Variants in CCN2 observed in about 807,000 individuals in gnomAD.
The protein encoded by CCN2 is CCN family member 2.
Under a neutral mutation model 33.2 loss-of-function variants are expected in CCN2, and 22 were observed. That is an observed-to-expected ratio of 0.66 (90% confidence interval 0.47 to 0.95). The LOEUF is 0.95. Ranked by LOEUF, CCN2 falls within the 40% of genes least tolerant of loss-of-function variation. CCN2 has a pLI of 0.00. For missense variants in CCN2, 469 were observed against 498.8 expected (o/e 0.94, Z 0.57); for synonymous variants, 178 against 200.6 (o/e 0.89, Z 0.95).
At position 131,951,200 on chromosome 6, in the gene CCN2, C is replaced by A; in HGVS notation, c.-28G>T. The A allele has an allele frequency of 1.6e-6, 2 of 1,286,356 alleles. No individual in the cohort carries two copies. Among genetic ancestry groups the A allele is most frequent in the Non-Finnish European group, 9.8e-7 (1 of 1,018,038 alleles). The allele number at this position is 1,286,356 out of a possible 1,614,324, so 79.7% of individuals were successfully genotyped here. A position where few individuals can be genotyped will look rare whatever the true frequency, so the allele number is the denominator to read the frequency against. ...TTGGCACTGCGGGCGGAGCGGAGGG[C>A]GCGGTGGCGGCGAGCGGGGAGCGGC... On this transcript the variant is annotated 5_prime_UTR_variant, in exon 1 of 5. Transcript: ENST00000367976.
In CCN2 at chr6:131,951,314, C is replaced by G. The variant is rs1783108716; in HGVS notation, c.-142G>C. 1 of 640,176 alleles carries G rather than the reference C, an allele frequency of 1.6e-6. No individual in the cohort carries two copies. The highest frequency in any genetic ancestry group is 3.8e-5 in the East Asian group (1 of 26,312). 39.7% of individuals were successfully genotyped at this position (640,176 alleles called of 1,614,324 possible). A position where few individuals can be genotyped will look rare whatever the true frequency, so the allele number is the denominator to read the frequency against. ...GGCTGTCGGCCGGGGCGGCTGCCGT[C>G]GAGCTGGAGGGTGGAGTCGCACTGG... On this transcript the variant is annotated 5_prime_UTR_variant, in exon 1 of 5. Coordinates refer to ENST00000367976, the MANE Select transcript of CCN2 (RefSeq NM_001901.4).
rs1464086448 is a variant in CCN2, at chr6:131,948,884, C to G, written c.*380G>C. On this transcript the variant is annotated 3_prime_UTR_variant, in exon 5 of 5. Transcript: ENST00000367976. ...GCTGTCACTGGGGCTACAGGCAGGT[C>G]AGTGAGCACGCTAAAATTTTCCTTC... The G allele has an allele frequency of 7.8e-6, 2 of 255,584 alleles. No individual in the cohort carries two copies. The highest frequency in any genetic ancestry group is 1.6e-5 in the Non-Finnish European group (2 of 128,846). The allele number at this position is 255,584 out of a possible 1,614,324, so 15.8% of individuals were successfully genotyped here. A position where few individuals can be genotyped will look rare whatever the true frequency, so the allele number is the denominator to read the frequency against.
At position 131,950,178 on chromosome 6, in the gene CCN2, A is replaced by G. The variant is rs1291783857; in HGVS notation, c.542-18T>C. 6.8e-6 allele frequency: 11 copies of G among 1,613,960 alleles called. No individual in the cohort carries two copies. The highest frequency in any genetic ancestry group is 9.3e-6 in the Non-Finnish European group (11 of 1,179,948). On this transcript the variant is annotated intron_variant, in intron 3 of 4. Coordinates refer to ENST00000367976, the MANE Select transcript of CCN2 (RefSeq NM_001901.4). The surrounding 1 kb of genome is among the most constrained non-coding windows in gnomAD (Gnocchi z 7.1). ...TCGGTAAGCTGCGAGAGCAGAGCAC[A>G]CAAACACCATGTAAAACGCCTGGAT... is the stretch of plus-strand genomic sequence containing the variant.
rs775125745 is a variant in CCN2, at chr6:131,949,235, A to G, written c.*29T>C. The G allele has an allele frequency of 6.3e-7, 1 of 1,582,976 alleles. No homozygotes were observed. The highest frequency in any genetic ancestry group is 1.1e-5 in the South Asian group (1 of 90,468). ...TGTGAATCAGTTCAAGTTCCAGTCT[A>G]ATGAGTTAATGTCTCTCACTCTCTG... is the stretch of plus-strand genomic sequence containing the variant. On this transcript the variant is annotated 3_prime_UTR_variant, in exon 5 of 5. Coordinates refer to ENST00000367976, the MANE Select transcript of CCN2 (RefSeq NM_001901.4).
In CCN2 at chr6:131,950,128, G is replaced by A. The variant is rs771227127; in HGVS notation, c.574C>T (p.Pro192Ser). The A allele has an allele frequency of 6.2e-7, 1 of 1,614,092 alleles. No individual in the cohort carries two copies. The highest frequency in any genetic ancestry group is 8.5e-7 in the Non-Finnish European group (1 of 1,180,050). The change falls in exon 4 of 5, where the codon CCA becomes TCA. Residue 192 changes from proline (P) to serine (S), a missense_variant. By Grantham distance (74) the Pro-to-Ser change is moderately conservative (BLOSUM62 -1). Transcript: ENST00000367976. This position sits in a 1 kb window ranked among gnomAD's most constrained non-coding sequence, Gnocchi z 7.1. ...YRLEDTFGPD[P>S]TMIRANCLVQ... ...AGGCAGTTGGCTCTAATCATAGTTG[G>A]GTCTGGGCCAAACGTGTCTTCCAGT... is the stretch of plus-strand genomic sequence containing the variant.
chr6:131,949,962 T>C lies in CCN2; in HGVS notation c.740A>G (p.Glu247Gly), dbSNP rs748894967. Residue 247 changes from glutamate to glycine, a missense_variant, in exon 4 of 5, where the codon GAA (glutamate) becomes GGA (glycine). Coordinates refer to ENST00000367976, the MANE Select transcript of CCN2 (RefSeq NM_001901.4). The stretch of plus-strand genomic sequence containing the variant: ...CAGAACATGTACCTTAATGTTCTCT[T>C]CCAGGTCAGCTTCGCAAGGCCTGAC... ...CMVRPCEADLEENIKKGKKCI... is the reference protein window; with the variant it reads ...CMVRPCEADLGENIKKGKKCI... 1.9e-6 allele frequency: 3 copies of C among 1,614,194 alleles called. No individual in the cohort carries two copies. The Admixed American group carries it at 5.0e-5, about 27-fold the overall frequency.
chr6:131,950,960 G>T lies in CCN2; in HGVS notation c.99C>A (p.Cys33Ter). The part of the protein sequence containing the change: ...PAVGQNCSGP[C>*]RCPDEPAPRC... ...GCGGCGCCGGCTCGTCCGGGCACCG[G>T]CACGGCCCGCTGCAGTTCTGGCCGA... Residue 33 changes from cysteine to a stop codon, truncating the protein, a stop_gained, in exon 2 of 5, where the codon TGC becomes TGA. Coordinates refer to ENST00000367976, the MANE Select transcript of CCN2 (RefSeq NM_001901.4). LOFTEE classifies it high-confidence loss of function. The surrounding 1 kb of genome is among the most constrained non-coding windows in gnomAD (Gnocchi z 7.1). 7.3e-7 allele frequency: 1 copy of T among 1,373,832 alleles called. No individual in the cohort carries two copies. The highest frequency in any genetic ancestry group is 1.7e-5 in the South Asian group (1 of 58,278). The allele number at this position is 1,373,832 out of a possible 1,614,324, so 85.1% of individuals were successfully genotyped here. A position where few individuals can be genotyped will look rare whatever the true frequency, so the allele number is the denominator to read the frequency against.
chr6:131,951,317 G>T lies in CCN2; in HGVS notation c.-145C>A. The T allele has an allele frequency of 1.6e-6, 1 of 612,440 alleles. No individual in the cohort carries two copies. The highest frequency in any genetic ancestry group is 2.3e-6 in the Non-Finnish European group (1 of 428,632). 37.9% of individuals were successfully genotyped at this position (612,440 alleles called of 1,614,324 possible). A position where few individuals can be genotyped will look rare whatever the true frequency, so the allele number is the denominator to read the frequency against. On this transcript the variant is annotated 5_prime_UTR_variant, in exon 1 of 5. Transcript: ENST00000367976. ...TGTCGGCCGGGGCGGCTGCCGTCGAGCTGGAGGGTGGAGTCGCACTGGCTG... is the reference window on the plus strand; with the variant it reads ...TGTCGGCCGGGGCGGCTGCCGTCGATCTGGAGGGTGGAGTCGCACTGGCTG...
In CCN2 at chr6:131,951,280, TCGTCTCGGGGCTGTCGGC is replaced by T; in HGVS notation, c.-126_-109del. On this transcript the variant is annotated 5_prime_UTR_variant, in exon 1 of 5. Transcript: ENST00000367976. Reference sequence around the variant, plus strand: ...GTGGGGACCGGGACGCGCCGGGCTGTCGTCTCGGGGCTGTCGGCCGGGGCGGCTGCCGTCGAGCTGGAG... The same window carrying T: ...GTGGGGACCGGGACGCGCCGGGCTGTCGGGGCGGCTGCCGTCGAGCTGGAG... 1 of 996,860 alleles carries T rather than the reference TCGTCTCGGGGCTGTCGGC, an allele frequency of 1.0e-6. No homozygotes were observed. The highest frequency in any genetic ancestry group is 1.3e-6 in the Non-Finnish European group (1 of 778,530). 61.8% of individuals were successfully genotyped at this position (996,860 alleles called of 1,614,324 possible). A position where few individuals can be genotyped will look rare whatever the true frequency, so the allele number is the denominator to read the frequency against.
chr6:131,949,985 G>A lies in CCN2; in HGVS notation c.717C>T (p.Val239=), dbSNP rs1432503243. ...RLEKQSRLCM[V]RPCEADLEEN... ...CTTCCAGGTCAGCTTCGCAAGGCCT[G>A]ACCATGCACAGGCGGCTCTGCTTCT... is the stretch of plus-strand genomic sequence containing the variant. The change falls in exon 4 of 5, where the codon GTC becomes GTT. Residue 239 remains valine, a synonymous_variant. Coordinates refer to ENST00000367976, the MANE Select transcript of CCN2 (RefSeq NM_001901.4). The A allele has an allele frequency of 6.2e-7, 1 of 1,614,200 alleles. No homozygotes were observed. The highest frequency in any genetic ancestry group is 2.2e-5 in the East Asian group (1 of 44,878).
chr6:131,951,058 A>C (rs1391318245), intron 1 of CCN2, 49 bp downstream of exon 1: 1 of 1,279,258 alleles, frequency 7.8e-7, no homozygotes, highest in Non-Finnish European at 9.8e-7. Flanking sequence ...GCCGGCCCCG[A>C]GTCCCTCCCT....
rs747960681 is a variant in CCN2 at position 131,950,722 on chromosome 6, G to A, written c.289+48C>T. ...CTTTTTCCAGCGGGCGGGTGGGCGT[G>A]AGGGAGGAGGCGGCCGGACACCTAG... is the stretch of plus-strand genomic sequence containing the variant. On this transcript the variant is annotated intron_variant, in intron 2 of 4. Coordinates refer to ENST00000367976, the MANE Select transcript of CCN2 (RefSeq NM_001901.4). This position sits in a 1 kb window ranked among gnomAD's most constrained non-coding sequence, Gnocchi z 7.1. 4.0e-6 allele frequency: 6 copies of A among 1,491,498 alleles called. No individual in the cohort carries two copies. In the African/African-American group the frequency reaches 5.5e-5, roughly 14 times the overall value. 92.4% of individuals were successfully genotyped at this position (1,491,498 alleles called of 1,614,324 possible).
Position 131,949,330 on chromosome 6 carries a change from G to GT in CCN2, c.983dup (p.Asn328LysfsTer7), listed in dbSNP as rs1157886322. Reference sequence around the variant, plus strand: ...CAAAGATGTCATTGTCTCCGGGACAGTTGTAATGGCAGGCACAGGTCTTGA... The same window carrying GT: ...CAAAGATGTCATTGTCTCCGGGACAGTTTGTAATGGCAGGCACAGGTCTTGA... On this transcript the variant is annotated frameshift_variant, in exon 5 of 5. Transcript: ENST00000367976. LOFTEE classifies it high-confidence loss of function. 1.2e-6 allele frequency: 2 copies of GT among 1,614,226 alleles called. No individual in the cohort carries two copies. Among genetic ancestry groups the GT allele is most frequent in the South Asian group, 2.2e-5 (2 of 91,084 alleles).
At position 131,950,362 on chromosome 6, in the gene CCN2, G is replaced by A. The variant is rs765992971; in HGVS notation, c.471C>T (p.Pro157=). The change falls in exon 3 of 5, where the codon CCC becomes CCT. Residue 157 remains proline (P), a synonymous_variant. Transcript: ENST00000367976. This position sits in a 1 kb window ranked among gnomAD's most constrained non-coding sequence, Gnocchi z 7.1. ...ACACCCACTCCTCGCAGCATTTCCC[G>A]GGCAGCTTGACCCTCCTCGGGAAGG... ...DCPFPRRVKL[P]GKCCEEWVCD... 4.3e-6 allele frequency: 7 copies of A among 1,614,074 alleles called. No individual in the cohort carries two copies. Among genetic ancestry groups the A allele is most frequent in the South Asian group, 1.1e-5 (1 of 91,080 alleles).
chr6:131,949,918 G>A, intron 4 of CCN2, 31 bp downstream of exon 4: 2 of 1,607,422 alleles, frequency 1.2e-6, no homozygotes, highest in African/African-American at 1.3e-5. Context: ...TTTTTCCTGT[G>A]AAAAATAGTT....
At position 131,949,252 on chromosome 6, in the gene CCN2, C is replaced by T. The variant is rs1390818874; in HGVS notation, c.*12G>A. 6.2e-7 allele frequency: 1 copy of T among 1,609,006 alleles called. No homozygotes were observed. The highest frequency in any genetic ancestry group is 1.1e-5 in the South Asian group (1 of 90,982). ...TCCAGTCTAATGAGTTAATGTCTCTCACTCTCTGGCTTCATGCCATGTCTC... is the reference window on the plus strand; with the variant it reads ...TCCAGTCTAATGAGTTAATGTCTCTTACTCTCTGGCTTCATGCCATGTCTC... On this transcript the variant is annotated 3_prime_UTR_variant, in exon 5 of 5. Transcript: ENST00000367976.
intron 1 of CCN2, 28 bp downstream of exon 1, chr6:131,951,079 G>A: frequency 7.7e-7 from 1 of 1,295,198 alleles, no homozygotes; most frequent in Non-Finnish European, 9.8e-7. Flanking sequence ...GGCAGCCGCC[G>A]GCCGCAGCGG....
rs773426100 is a variant in CCN2 at position 131,950,012 on chromosome 6, T to C, written c.690A>G (p.Leu230=). 9 of 1,614,238 alleles carry C rather than the reference T, an allele frequency of 5.6e-6. No homozygotes were observed. The highest frequency in any genetic ancestry group is 1.6e-4 in the Middle Eastern group (1 of 6,062). ...RVTNDNASCR[L]EKQSRLCMVR... is the part of the protein sequence containing the mutation. Reference sequence around the variant, plus strand: ...CCATGCACAGGCGGCTCTGCTTCTCTAGCCTGCAGGAGGCGTTGTCATTGG... The same window carrying C: ...CCATGCACAGGCGGCTCTGCTTCTCCAGCCTGCAGGAGGCGTTGTCATTGG... Residue 230 remains leucine, a synonymous_variant, in exon 4 of 5, where the codon CTA becomes CTG. Coordinates refer to ENST00000367976, the MANE Select transcript of CCN2 (RefSeq NM_001901.4). This position sits in a 1 kb window ranked among gnomAD's most constrained non-coding sequence, Gnocchi z 7.1.
rs945249182 is a variant in CCN2 at position 131,950,561 on chromosome 6, A to G, written c.290-18T>C. 3 of 1,610,070 alleles carry G rather than the reference A, an allele frequency of 1.9e-6. No individual in the cohort carries two copies. Among genetic ancestry groups the G allele is most frequent in the African/African-American group, 2.7e-5 (2 of 74,852 alleles). ...ATCTTTGGCTGGAGAAGAGGAAGGG[A>G]AGAGAGGGGTGGGGGATGCAGAGGT... On this transcript the variant is annotated intron_variant, in intron 2 of 4. Transcript: ENST00000367976. The surrounding 1 kb of genome is among the most constrained non-coding windows in gnomAD (Gnocchi z 7.1).
Sources: gnomAD v4.1 joint callset for allele counts on GRCh38, gnomAD v4.1.1 for gene constraint, Gnocchi (gnomAD v3.1) non-coding constraint, MANE v1.5 for transcripts, NCBI Gene and HGNC (gene_info 2026-07-23, HGNC 2026-07-21) for gene names.